FAM222B: variants seen among roughly 807,000 people sequenced by gnomAD.
FAM222B encodes family with sequence similarity 222 member B.
Under a neutral mutation model 38.0 loss-of-function variants are expected in FAM222B, and 12 were observed. The ratio of observed to expected loss-of-function variants is 0.32; its 90% CI spans 0.20 to 0.51. The LOEUF (loss-of-function observed/expected upper bound fraction) is 0.51, where lower values mean the gene tolerates loss of function less well. Among genes scored for constraint, FAM222B ranks in the 20% least tolerant of loss-of-function variants. FAM222B has a pLI of 0.97. For synonymous variants in FAM222B, 329 were observed against 317.2 expected (o/e 1.04, Z -0.40); for missense variants, 716 against 754.2 (o/e 0.95, Z 0.59).
At chr17:28,798,092 A>T (rs1339660144) in intron 1 of FAM222B, among the ~76,000 whole-genome samples, 1 of 151,976 alleles carries the variant, frequency 6.6e-6, no homozygotes, top group Non-Finnish European at 1.5e-5. Context: ...CTACGAAAAA[A>T]ATATGAAAAA....
At chr17:28,854,926 G>A in intron 1 of FAM222B, 1 of 1,276,616 alleles carries the variant, frequency 7.8e-7, no homozygotes, top group Non-Finnish European at 1.1e-6. Flanking sequence ...CATGTGTCTC[G>A]GCTTTCAATT....
At chr17:28,764,074 T>C (rs548073190) in intron 2 of FAM222B, among the ~76,000 whole-genome samples, 2 of 152,144 alleles carry the variant, frequency 1.3e-5, no homozygotes, top group Admixed American at 6.6e-5. Context: ...ACTACTATAT[T>C]GTGATCCTGA....
At chr17:28,854,272 A>AAAT in intron 1 of FAM222B, among the ~76,000 whole-genome samples, 1 of 152,316 alleles carries the variant, frequency 6.6e-6, no homozygotes. Flanking sequence ...TTTAGAGGCT[A>AAAT]CAAAGGATGA....
intron 1 of FAM222B, among the ~76,000 whole-genome samples, chr17:28,790,959 C>T (rs1012800087): frequency 3.4e-5 from 4 of 118,732 alleles, no homozygotes; most frequent in African/African-American, 1.3e-4. Flanking sequence ...AGTGCAGTGG[C>T]GAGATCTTGG....
exon 1 of FAM222B, chr17:28,854,959 A>G: frequency 6.7e-7 from 1 of 1,487,702 alleles, no homozygotes; most frequent in South Asian, 1.4e-5. Flanking sequence ...CCTCTCTCCT[A>G]CTCGCTGGTT....
At chr17:28,840,344 C>T (rs549299312) in intron 1 of FAM222B, among the ~76,000 whole-genome samples, 5 of 151,850 alleles carry the variant, frequency 3.3e-5, no homozygotes, top group African/African-American at 1.2e-4. Flanking sequence ...CCAGCCTGGG[C>T]GACAGAACAA....
chr17:28,828,502 TAGGTTG>T (rs1274767826), intron 1 of FAM222B, among the ~76,000 whole-genome samples: 1 of 151,152 alleles, frequency 6.6e-6, no homozygotes, highest in Non-Finnish European at 1.5e-5. Flanking sequence ...CCCAAAGGCA[TAGGTTG>T]CAGTGAACTG....
rs2034709024 is a variant in FAM222B at position 28,756,640 on chromosome 17, T to A, written c.*1630A>T. ...CTCCTGGGGGATCAGGACAGGGAGGTACCAGTGTTCACAGACGGCAGGAAA... is the reference window on the plus strand; with the variant it reads ...CTCCTGGGGGATCAGGACAGGGAGGAACCAGTGTTCACAGACGGCAGGAAA... On this transcript the variant is annotated 3_prime_UTR_variant, in exon 3 of 3. Transcript: ENST00000581407. 6.6e-6 allele frequency: 1 copy of A among 152,202 alleles called. No individual in the cohort carries two copies. The allele number at this position is 152,202 out of a possible 1,614,324, so 9.4% of individuals were successfully genotyped here. A position where few individuals can be genotyped will look rare whatever the true frequency, so the allele number is the denominator to read the frequency against.
intron 1 of FAM222B, among the ~76,000 whole-genome samples, chr17:28,823,596 G>A (rs1240661644): frequency 1.3e-5 from 2 of 152,074 alleles, no homozygotes; most frequent in African/African-American, 2.4e-5. Context: ...TACCCAGGCT[G>A]ACCACTCCCT....
upstream of FAM222B, among the ~76,000 whole-genome samples, chr17:28,844,202 A>G (rs1322725058): frequency 6.6e-6 from 1 of 152,160 alleles, no homozygotes; most frequent in Non-Finnish European, 1.5e-5. Context: ...AAGAGGAGGT[A>G]CAGGACTAAA....
At chr17:28,836,656 G>A (rs2038855497) in intron 1 of FAM222B, among the ~76,000 whole-genome samples, 1 of 152,040 alleles carries the variant, frequency 6.6e-6, no homozygotes, top group African/African-American at 2.4e-5. Context: ...TAATTGGAAC[G>A]GAACAGAACA....
chr17:28,777,025 G>C (rs1364905065), intron 1 of FAM222B: 1 of 152,128 alleles, frequency 6.6e-6, no homozygotes, highest in Non-Finnish European at 1.5e-5. Context: ...CTCCCAACTA[G>C]TACATTTCAC....
Position 28,775,948 on chromosome 17 carries a change from C to T in FAM222B, c.-40-9241G>A, listed in dbSNP as rs1484432206. Among the ~76,000 whole-genome samples the T allele has an allele frequency of 2.6e-5, 4 of 151,236 alleles. No individual in the cohort carries two copies. In the East Asian group the frequency reaches 7.7e-4, roughly 29 times the overall value. On this transcript the variant is annotated intron_variant, in intron 1 of 2. Transcript: ENST00000581407. Reference sequence around the variant, plus strand: ...AAAAAGAGCCGGGCATGGTGGTGTGCACCTGTAATCCCAGCTACTTGGGAG... The same window carrying T: ...AAAAAGAGCCGGGCATGGTGGTGTGTACCTGTAATCCCAGCTACTTGGGAG...
At chr17:28,848,509 G>A (rs555189743) in intron 1 of FAM222B, among the ~76,000 whole-genome samples, 4 of 151,710 alleles carry the variant, frequency 2.6e-5, no homozygotes, top group East Asian at 1.9e-4. Flanking sequence ...GCCTGTAATC[G>A]CAGCACTTTG....
intron 1 of FAM222B, among the ~76,000 whole-genome samples, chr17:28,818,534 CAA>C (rs57660560): frequency 9.5e-6 from 1 of 105,482 alleles, no homozygotes; most frequent in Non-Finnish European, 2.0e-5. Context: ...GAGTCCGTCT[CAA>C]AAAAAAAAAA....
intron 1 of FAM222B, among the ~76,000 whole-genome samples, chr17:28,839,145 T>G (rs932149183): frequency 6.6e-6 from 1 of 152,058 alleles, no homozygotes; most frequent in African/African-American, 2.4e-5. Flanking sequence ...AGGCGGAGCT[T>G]GCAGTGAGCC....
intron 1 of FAM222B, among the ~76,000 whole-genome samples, chr17:28,810,620 T>C (rs1391399339): frequency 1.3e-5 from 2 of 152,166 alleles, no homozygotes; most frequent in Non-Finnish European, 2.9e-5. Flanking sequence ...ATCTGGGGGA[T>C]CCCCTTTCCC....
intron 2 of FAM222B, 98 bp downstream of exon 2, chr17:28,766,488 T>C: frequency 9.8e-6 from 9 of 915,044 alleles, no homozygotes; most frequent in Non-Finnish European, 1.5e-5. Context: ...GGTGTCAAAA[T>C]TCAAGGTCAG....
chr17:28,822,965 G>A (rs1435839613), intron 1 of FAM222B, among the ~76,000 whole-genome samples: 5 of 143,566 alleles, frequency 3.5e-5, no homozygotes, highest in African/African-American at 1.3e-4. Flanking sequence ...GGCTGAGGCA[G>A]GAGAATCACT....
Sources: allele counts gnomAD v4.1 joint callset (sites outside exome capture counted in the v4.1 genomes callset), GRCh38; gene constraint gnomAD v4.1.1; transcripts MANE v1.5; gene names NCBI Gene and HGNC (gene_info 2026-07-23, HGNC 2026-07-21).